Variants in HTR1F observed in about 807,000 individuals in gnomAD.
HTR1F encodes 5-hydroxytryptamine receptor 1F, also known as 5-hydroxytryptamine (serotonin) receptor 1F, G protein-coupled.
HTR1F carries 17 observed loss-of-function variants against 24.0 expected under a neutral mutation model. That is an observed-to-expected ratio of 0.71 (90% CI 0.48 to 1.06). The LOEUF is 1.06. HTR1F is among the 50% of genes least tolerant of loss of function. The pLI is 0.00. For missense variants in HTR1F, 391 were observed against 427.8 expected (o/e 0.91, Z 0.76); for synonymous variants, 186 against 156.8 (o/e 1.19, Z -1.39).
intron 2 of HTR1F, among the ~76,000 whole-genome samples, chr3:87,973,093 C>T (rs1047714945): frequency 6.6e-6 from 1 of 152,046 alleles, no homozygotes; most frequent in African/African-American, 2.4e-5. Flanking sequence ...ATCGCTTGAA[C>T]CCGGGAGGCG....
At chr3:87,946,113 C>A (rs1704695457) in intron 2 of HTR1F, among the ~76,000 whole-genome samples, 1 of 152,192 alleles carries the variant, frequency 6.6e-6, no homozygotes, top group Admixed American at 6.5e-5. Flanking sequence ...GGCACTTAGC[C>A]ATGCAGGAAC....
At chr3:87,923,512 C>T (rs1381832157) in intron 2 of HTR1F, among the ~76,000 whole-genome samples, 1 of 151,430 alleles carries the variant, frequency 6.6e-6, no homozygotes, top group Non-Finnish European at 1.5e-5. Context: ...AATGAAATTG[C>T]TTTCTTGTTT....
In HTR1F at chr3:87,852,791, G is replaced by A. The variant is rs1020710486; in HGVS notation, c.-43+30667G>A. On this transcript the variant is annotated intron_variant, in intron 2 of 2. Transcript: ENST00000319595. ...GCTATTCTTAGACATCTATTCTTCCGTGAGAAATTTGTTTTATGTGTTTTA... is the reference window on the plus strand; with the variant it reads ...GCTATTCTTAGACATCTATTCTTCCATGAGAAATTTGTTTTATGTGTTTTA... 4.6e-5 allele frequency among the ~76,000 whole-genome samples: 7 copies of A among 151,462 alleles called. 1 individual carries two copies. Among genetic ancestry groups the A allele is most frequent in the African/African-American group, 9.7e-5 (4 of 41,112 alleles).
chr3:87,893,964 T>C (rs1706141941), intron 2 of HTR1F, among the ~76,000 whole-genome samples: 1 of 152,174 alleles, frequency 6.6e-6, no homozygotes, highest in African/African-American at 2.4e-5. Context: ...TTGTGAGTTG[T>C]TTACTCATTT....
At chr3:87,843,136 T>G (rs553028329) in intron 2 of HTR1F, among the ~76,000 whole-genome samples, 12 of 151,706 alleles carry the variant, frequency 7.9e-5, no homozygotes, top group Non-Finnish European at 1.3e-4. Flanking sequence ...CTATAAGACA[T>G]TGTAACCTAA....
intron 2 of HTR1F, among the ~76,000 whole-genome samples, chr3:87,921,147 A>G (rs965055323): frequency 6.6e-6 from 1 of 151,974 alleles, no homozygotes; most frequent in Non-Finnish European, 1.5e-5. Context: ...TTGGGGGTGA[A>G]TCATTAAAAT....
At chr3:87,939,035 G>T (rs1023981382) in intron 2 of HTR1F, among the ~76,000 whole-genome samples, 1 of 152,132 alleles carries the variant, frequency 6.6e-6, no homozygotes, top group Admixed American at 6.5e-5. Flanking sequence ...ATCTGACAAA[G>T]ATCTAATATC....
chr3:87,923,944 C>CTTTAG (rs1268071901), intron 2 of HTR1F, among the ~76,000 whole-genome samples: 6 of 151,838 alleles, frequency 4.0e-5, no homozygotes, highest in Non-Finnish European at 7.4e-5. Flanking sequence ...GGATATTGGC[C>CTTTAG]TTTAGTTTTC....
At chr3:87,972,005 G>A (rs1705295371) in intron 2 of HTR1F, among the ~76,000 whole-genome samples, 1 of 152,164 alleles carries the variant, frequency 6.6e-6, no homozygotes. Flanking sequence ...ACCAATCTAT[G>A]TCAGCAGTGT....
intron 2 of HTR1F, among the ~76,000 whole-genome samples, chr3:87,917,042 A>C (rs908204627): frequency 5.9e-5 from 9 of 152,128 alleles, no homozygotes; most frequent in African/African-American, 2.2e-4. Context: ...ATAAAACTGA[A>C]AATAAACTCC....
intron 2 of HTR1F, among the ~76,000 whole-genome samples, chr3:87,862,418 T>G (rs1413468818): frequency 1.3e-5 from 2 of 152,228 alleles, no homozygotes; most frequent in African/African-American, 4.8e-5. Context: ...TTGTGAAAGA[T>G]AATACAGTGT....
At chr3:87,826,864 G>A (rs1466934199) in intron 2 of HTR1F, among the ~76,000 whole-genome samples, 1 of 152,040 alleles carries the variant, frequency 6.6e-6, no homozygotes, top group Non-Finnish European at 1.5e-5. Flanking sequence ...AGGCTGGAGT[G>A]CAGTGGTGTG....
chr3:87,921,596 C>G (rs573897391), intron 2 of HTR1F, among the ~76,000 whole-genome samples: 95 of 151,890 alleles, frequency 6.3e-4, no homozygotes, highest in Non-Finnish European at 9.6e-4. Context: ...TCAAAACCAT[C>G]TCTTTAGCTA....
At chr3:87,881,733 G>T (rs987406691) in intron 2 of HTR1F, among the ~76,000 whole-genome samples, 4 of 152,066 alleles carry the variant, frequency 2.6e-5, no homozygotes, top group Non-Finnish European at 5.9e-5. Flanking sequence ...AGACTTAAAC[G>T]TTAGACCTAA....
chr3:87,908,686 C>T (rs746937977), intron 2 of HTR1F, among the ~76,000 whole-genome samples: 1 of 151,806 alleles, frequency 6.6e-6, no homozygotes, highest in Non-Finnish European at 1.5e-5. Context: ...TCATCAGAAC[C>T]GCACTTAGCA....
At chr3:87,853,943 C>G (rs1296340681) in intron 2 of HTR1F, among the ~76,000 whole-genome samples, 3 of 151,700 alleles carry the variant, frequency 2.0e-5, no homozygotes, top group Admixed American at 2.0e-4. Context: ...GTTTAAGTTA[C>G]TTTTAGATGC....
At chr3:87,906,326 A>C (rs1452231790) in intron 2 of HTR1F, among the ~76,000 whole-genome samples, 1 of 152,092 alleles carries the variant, frequency 6.6e-6, no homozygotes, top group Non-Finnish European at 1.5e-5. Context: ...ACTTTCAAGA[A>C]AGTGGAAATA....
chr3:87,921,101 G>A (rs1429694524), intron 2 of HTR1F, among the ~76,000 whole-genome samples: 1 of 151,758 alleles, frequency 6.6e-6, no homozygotes, highest in Non-Finnish European at 1.5e-5. Context: ...TTTCATATTT[G>A]TCGAACATCT....
intron 2 of HTR1F, among the ~76,000 whole-genome samples, chr3:87,882,353 C>A (rs927509566): frequency 3.3e-5 from 5 of 152,174 alleles, no homozygotes; most frequent in Non-Finnish European, 7.4e-5. Context: ...CATCCCATTA[C>A]TGGGTATATA....
Sources: allele counts gnomAD v4.1 joint callset (sites outside exome capture counted in the v4.1 genomes callset), GRCh38; gene constraint gnomAD v4.1.1; transcripts MANE v1.5; gene names NCBI Gene and HGNC (gene_info 2026-07-23, HGNC 2026-07-21).